The following RHBDF2 variants were observed in gnomAD, a reference collection of about 807,000 sequenced individuals.
RHBDF2 encodes inactive rhomboid protein 2.
RHBDF2 carries 38 observed loss-of-function variants against 95.2 expected under a neutral mutation model. The observed-to-expected ratio is 0.40, with a 90% CI of 0.31 to 0.52. The LOEUF is 0.52. Among genes scored for constraint, RHBDF2 ranks in the 20% least tolerant of loss-of-function variants. The pLI is 0.56. For synonymous variants in RHBDF2, 442 were observed against 462.0 expected (o/e 0.96, Z 0.55); for missense variants, 863 against 1,137.7 (o/e 0.76, Z 3.47).
At chr17:76,480,499 C>T in intron 3 of RHBDF2, among the ~76,000 whole-genome samples, 1 of 151,984 alleles carries the variant, frequency 6.6e-6, no homozygotes, top group East Asian at 1.9e-4. Flanking sequence ...AGCCTTCTAC[C>T]TCAGTGTCCT....
At chr17:76,485,817 G>A (rs1229866768) in intron 2 of RHBDF2, among the ~76,000 whole-genome samples, 2 of 152,170 alleles carry the variant, frequency 1.3e-5, no homozygotes, top group Admixed American at 1.3e-4. Flanking sequence ...AAGCTACAAC[G>A]TGGACGAGCT....
intron 16 of RHBDF2, 56 bp downstream of exon 16, chr17:76,473,196 C>G: frequency 6.3e-7 from 1 of 1,592,404 alleles, no homozygotes; most frequent in South Asian, 1.1e-5. Flanking sequence ...CCGGCCCCAG[C>G]AGGCTGCCAT....
At chr17:76,495,894 T>C (rs1160036490) in intron 1 of RHBDF2, among the ~76,000 whole-genome samples, 1 of 152,208 alleles carries the variant, frequency 6.6e-6, no homozygotes, top group Non-Finnish European at 1.5e-5. Flanking sequence ...AGGCTGGCCC[T>C]AGCCCCAGTG....
Position 76,476,845 on chromosome 17 carries a change from C to T in RHBDF2, c.1100G>A (p.Ser367Asn). The T allele has an allele frequency of 1.2e-6, 2 of 1,607,482 alleles. No individual in the cohort carries two copies. Among genetic ancestry groups the T allele is most frequent in the Non-Finnish European group, 1.7e-6 (2 of 1,178,012 alleles). Residue 367 changes from serine (S) to asparagine (N), a missense_variant, in exon 9 of 19, where the codon AGC becomes AAC. Physicochemically the swap from Ser to Asn is conservative, Grantham distance 46. Transcript: ENST00000675367. ...GACACCTCACCGGTGGCTGTCGAAG[C>T]TCTCCAGCTGCCGCTGCACAGTGCT... ...ISSTVQRQLESFDSHRPYFTY... is the reference protein window; with the variant it reads ...ISSTVQRQLENFDSHRPYFTY...
intron 1 of RHBDF2, among the ~76,000 whole-genome samples, chr17:76,491,103 T>C (rs2144373631): frequency 6.6e-6 from 1 of 152,140 alleles, no homozygotes; most frequent in African/African-American, 2.4e-5. Flanking sequence ...AGGGCTCCAC[T>C]GAGAGCTCCT....
At chr17:76,477,505 G>T in intron 7 of RHBDF2, 152 bp downstream of exon 7, 1 of 1,090,218 alleles carries the variant, frequency 9.2e-7, no homozygotes, top group Admixed American at 2.3e-5. Context: ...AGAAAGATGG[G>T]GGCCCAGCAG....
At chr17:76,474,902 G>C (rs2073717742) in intron 10 of RHBDF2, 98 bp from the exon 11 acceptor site, 2 of 1,542,636 alleles carry the variant, frequency 1.3e-6, no homozygotes, top group East Asian at 4.6e-5. Flanking sequence ...CTCCAGGAAG[G>C]GGCCAGGCTA....
intron 2 of RHBDF2, chr17:76,487,372 C>G (rs1332962881): frequency 6.6e-6 from 1 of 152,364 alleles, no homozygotes; most frequent in Non-Finnish European, 1.5e-5. Context: ...CCTCAGCCTC[C>G]CAAGTAGCTG....
chr17:76,473,858 T>C lies in RHBDF2; in HGVS notation c.1619A>G (p.Asp540Gly). The change falls in exon 14 of 19, where the codon GAT becomes GGT. Residue 540 changes from aspartate to glycine, a missense_variant. Transcript: ENST00000675367. ...ACTCACCGGCCACTTAGTGATGTCA[T>C]CGGGCCAGATGTGGGCACCGCTGGA... ...PASSGAHIWP[D>G]DITKWPICTE... The C allele has an allele frequency of 6.2e-7, 1 of 1,614,056 alleles. No homozygotes were observed. The highest frequency in any genetic ancestry group is 8.5e-7 in the Non-Finnish European group (1 of 1,180,002).
chr17:76,498,424 G>A (rs900063074), intron 1 of RHBDF2, among the ~76,000 whole-genome samples: 1 of 152,234 alleles, frequency 6.6e-6, no homozygotes, highest in Non-Finnish European at 1.5e-5. Flanking sequence ...GAGTGTGGAG[G>A]GGGAGAGGCA....
chr17:76,481,170 T>A (rs777277562), intron 3 of RHBDF2, among the ~76,000 whole-genome samples: 2 of 152,162 alleles, frequency 1.3e-5, no homozygotes, highest in African/African-American at 4.8e-5. Flanking sequence ...CTGACCACGA[T>A]GAGAGTGAGC....
chr17:76,475,058 C>T lies in RHBDF2; in HGVS notation c.1199G>A (p.Gly400Asp). ...CTGGGTGGTGACGTGCTGGGCAAAG[C>T]CCACGGGTGCGATGCCATACGTGCA... Reference protein sequence around the residue: ...VICTYGIAPVGFAQHVTTQLV... With the variant: ...VICTYGIAPVDFAQHVTTQLV... The change falls in exon 10 of 19, where the codon GGC becomes GAC. Residue 400 changes from glycine to aspartate, a missense_variant. Coordinates refer to ENST00000675367, the MANE Select transcript of RHBDF2 (RefSeq NM_001005498.4). The T allele has an allele frequency of 6.3e-7, 1 of 1,593,700 alleles. No individual in the cohort carries two copies. Among genetic ancestry groups the T allele is most frequent in the Non-Finnish European group, 8.5e-7 (1 of 1,171,068 alleles).
intron 7 of RHBDF2, 139 bp downstream of exon 7, chr17:76,477,517 TC>T: frequency 8.8e-7 from 1 of 1,136,448 alleles, no homozygotes; most frequent in Non-Finnish European, 1.3e-6. Flanking sequence ...GCCCAGCAGC[TC>T]CACATAGGAC....
chr17:76,483,466 G>A (rs1396376039), intron 2 of RHBDF2, among the ~76,000 whole-genome samples: 1 of 152,036 alleles, frequency 6.6e-6, no homozygotes, highest in Non-Finnish European at 1.5e-5. Flanking sequence ...TGTATTTTTA[G>A]TAGAGATGGG....
At chr17:76,498,910 G>A (rs1419080403) in intron 1 of RHBDF2, among the ~76,000 whole-genome samples, 2 of 151,632 alleles carry the variant, frequency 1.3e-5, no homozygotes, top group Non-Finnish European at 2.9e-5. Flanking sequence ...ACCAGGTACA[G>A]ACAGGTAGGA....
chr17:76,474,283 G>T, intron 12 of RHBDF2, 90 bp downstream of exon 12: 1 of 1,458,062 alleles, frequency 6.9e-7, no homozygotes, highest in Non-Finnish European at 9.5e-7. Context: ...GGGGAGGAGG[G>T]AACGTGGTCA....
intron 1 of RHBDF2, among the ~76,000 whole-genome samples, chr17:76,489,652 G>A (rs567759463): frequency 2.6e-5 from 4 of 152,224 alleles, no homozygotes; most frequent in South Asian, 4.1e-4. Context: ...GTCCTGCCCA[G>A]GCCATCCTTT....
Position 76,472,764 on chromosome 17 carries a change from G to A in RHBDF2, c.1986C>T (p.His662=), listed in dbSNP as rs2144036236. 1.2e-6 allele frequency: 2 copies of A among 1,613,016 alleles called. No homozygotes were observed. The highest frequency in any genetic ancestry group is 1.7e-4 in the Middle Eastern group (1 of 6,058). ...TGAGGATGAAGATGATGGCGATACG[G>A]TGCCAGCCGGCCAGCTTCTCCAGGT... ...LRDLEKLAGW[H]RIAIIFILSG... The change falls in exon 18 of 19, where the codon CAC becomes CAT. Residue 662 remains histidine, a synonymous_variant. Transcript: ENST00000675367.
At position 76,479,779 on chromosome 17, in the gene RHBDF2, G is replaced by T. The variant is rs757808529; in HGVS notation, c.226C>A (p.Arg76Ser). ...GAGGCCTGGCGGCGGAAGCCAGGGC[G>T]CTTCTCTGAACTCTCCTGCCATCGG... ...RSRWQESSEK[R>S]PGFRRQASLS... The change falls in exon 4 of 19, where the codon CGC becomes AGC. Residue 76 changes from arginine to serine, a missense_variant. Arg to Ser is a moderately radical substitution (Grantham distance 110, BLOSUM62 -1). This residue lies in a region of RHBDF2 where 611 missense variants were observed against 725.5 expected (regional missense o/e 0.84). Coordinates refer to ENST00000675367, the MANE Select transcript of RHBDF2 (RefSeq NM_001005498.4). 6.2e-7 allele frequency: 1 copy of T among 1,613,180 alleles called. No individual in the cohort carries two copies. Among genetic ancestry groups the T allele is most frequent in the Non-Finnish European group, 8.5e-7 (1 of 1,179,908 alleles).
Sources: allele counts gnomAD v4.1 joint callset (sites outside exome capture counted in the v4.1 genomes callset), GRCh38; gene constraint gnomAD v4.1.1; regional missense constraint gnomAD v4.1.1; transcripts MANE v1.5; gene names NCBI Gene and HGNC (gene_info 2026-07-23, HGNC 2026-07-21).